The following NME1 variants were observed in gnomAD, a reference collection of about 807,000 sequenced individuals.
The protein encoded by NME1 is nucleoside diphosphate kinase A.
A neutral mutation model predicts 17.2 loss-of-function variants in NME1; 9 were observed. That is an observed-to-expected ratio of 0.52 (90% confidence interval 0.32 to 0.92). The LOEUF (loss-of-function observed/expected upper bound fraction) is 0.92, where lower values mean the gene tolerates loss of function less well. Ranked by LOEUF, NME1 falls within the 40% of genes least tolerant of loss-of-function variation. The pLI is 0.04. For missense variants in NME1, 169 were observed against 201.7 expected (o/e 0.84, Z 0.98); for synonymous variants, 72 against 70.8 (o/e 1.02, Z -0.09).
chr17:51,160,117 T>C, intron 3 of NME1, 36 bp downstream of exon 3: 1 of 1,608,164 alleles, frequency 6.2e-7, no homozygotes, highest in African/African-American at 1.3e-5. Context: ...CAAGTATGCA[T>C]TGCTTGTCAT....
chr17:51,157,239 G>A (rs2049801001), intron 2 of NME1, among the ~76,000 whole-genome samples: 1 of 152,092 alleles, frequency 6.6e-6, no homozygotes, highest in Non-Finnish European at 1.5e-5. Flanking sequence ...AAGAAAAACT[G>A]CTTTAATGTA....
chr17:51,155,207 A>T (rs1005769437), intron 1 of NME1, among the ~76,000 whole-genome samples: 24 of 145,728 alleles, frequency 1.6e-4, no homozygotes, highest in Admixed American at 1.4e-3. Flanking sequence ...GCACCACTGC[A>T]CTCCATCCTG....
At chr17:51,157,216 A>G (rs1263995374) in intron 2 of NME1, among the ~76,000 whole-genome samples, 2 of 152,128 alleles carry the variant, frequency 1.3e-5, no homozygotes, top group Non-Finnish European at 2.9e-5. Context: ...CCAAAAAAAA[A>G]GAAAAAAAAG....
intron 2 of NME1, 85 bp downstream of exon 2, chr17:51,155,865 A>G: frequency 3.1e-6 from 5 of 1,592,248 alleles, no homozygotes; most frequent in Non-Finnish European, 3.4e-6. Flanking sequence ...CGTCTTTCTT[A>G]TTTAAAGTTC....
intron 1 of NME1, chr17:51,154,212 T>C (rs1598234039): frequency 1.5e-6 from 1 of 651,336 alleles, no homozygotes; most frequent in Non-Finnish European, 2.9e-6. Flanking sequence ...TCTTTGCTCC[T>C]ATTGACTGCT....
intron 2 of NME1, among the ~76,000 whole-genome samples, chr17:51,158,186 G>A (rs1202903776): frequency 6.6e-6 from 1 of 152,150 alleles, no homozygotes; most frequent in Non-Finnish European, 1.5e-5. Flanking sequence ...AGGCTGAGGC[G>A]AGAGGATGGC....
rs1226431551 is a variant in NME1 at position 51,161,242 on chromosome 17, TC to T, written c.313del (p.Arg105ValfsTer36). ...CCTGCAGACTCCAAGCCTGGGACCA[TC>T]CGTGGAGACTTCTGCATACAAGTTG... ...TNPADSKPGT[I>X]RGDFCIQVGR... On this transcript the variant is annotated frameshift_variant, in exon 4 of 5. Transcript: ENST00000393196. LOFTEE classifies it high-confidence loss of function. 6.2e-7 allele frequency: 1 copy of T among 1,612,206 alleles called. No homozygotes were observed. The highest frequency in any genetic ancestry group is 8.5e-7 in the Non-Finnish European group (1 of 1,179,324).
intron 1 of NME1, chr17:51,154,149 G>GTC (rs201791462): frequency 2.2e-5 from 12 of 538,168 alleles, no homozygotes; most frequent in Non-Finnish European, 4.0e-5. Context: ...TTTGGGCTTT[G>GTC]TCTCTCTCTC....
intron 2 of NME1, among the ~76,000 whole-genome samples, chr17:51,159,153 C>T (rs2049828491): frequency 6.6e-6 from 1 of 152,126 alleles, no homozygotes; most frequent in Non-Finnish European, 1.5e-5. Flanking sequence ...ATTTTCCTGT[C>T]TAAAATGAGA....
chr17:51,161,619 A>C, intron 4 of NME1, 109 bp from the exon 5 acceptor site: 1 of 888,286 alleles, frequency 1.1e-6, no homozygotes, highest in Non-Finnish European at 1.9e-6. Flanking sequence ...ACATGGTCTA[A>C]TGTCCATGGA....
chr17:51,155,239 ACC>A, intron 1 of NME1, among the ~76,000 whole-genome samples: 1 of 111,874 alleles, frequency 8.9e-6, no homozygotes, highest in African/African-American at 4.5e-5. Flanking sequence ...AAGACTCCAT[ACC>A]AAAAAAAAAA....
Position 51,153,667 on chromosome 17 carries a change from G to C in NME1, c.-5+5G>C, listed in dbSNP as rs1195459526. The C allele has an allele frequency of 6.5e-6, 1 of 152,974 alleles. No homozygotes were observed. The highest frequency in any genetic ancestry group is 1.5e-5 in the Non-Finnish European group (1 of 68,574). 9.5% of individuals were successfully genotyped at this position (152,974 alleles called of 1,614,324 possible). ...CAAACCTAAGCAGCTGGAAGGGTAA[G>C]AGGTGTTCGGGATCCTGAGAGGAAA... On this transcript the variant is annotated splice_donor_5th_base_variant and intron_variant, in intron 1 of 4. Transcript: ENST00000393196.
In NME1 at chr17:51,155,800, C is replaced by A; in HGVS notation, c.126+20C>A. On this transcript the variant is annotated intron_variant, in intron 2 of 4. Transcript: ENST00000393196. The stretch of plus-strand genomic sequence containing the variant: ...ATGCAAGTAAGTGGACTTCATTGTT[C>A]CCATTTTGATTCCTTCATAGTATAG... 1 of 1,612,576 alleles carries A rather than the reference C, an allele frequency of 6.2e-7. No homozygotes were observed.
chr17:51,154,869 G>A (rs1308000956), intron 1 of NME1, among the ~76,000 whole-genome samples: 1 of 152,180 alleles, frequency 6.6e-6, no homozygotes, highest in Non-Finnish European at 1.5e-5. Flanking sequence ...GAAAGATAGT[G>A]CCTTGTTTTT....
chr17:51,161,661 T>G lies in NME1; in HGVS notation c.342-67T>G, dbSNP rs1598241544. ...GCTTTTATGCTGCTGTGGCTGTAGA[T>G]TTCTGGCAATGGGCGCATTTTAATC... On this transcript the variant is annotated intron_variant, in intron 4 of 4. Coordinates refer to ENST00000393196, the MANE Select transcript of NME1 (RefSeq NM_000269.3). The G allele has an allele frequency of 4.3e-6, 5 of 1,163,110 alleles. No individual in the cohort carries two copies. The East Asian group carries it at 1.2e-4, about 27-fold the overall frequency. 72.0% of individuals were successfully genotyped at this position (1,163,110 alleles called of 1,614,324 possible). A position where few individuals can be genotyped will look rare whatever the true frequency, so the allele number is the denominator to read the frequency against.
At chr17:51,154,177 G>T in intron 1 of NME1, 4 of 497,652 alleles carry the variant, frequency 8.0e-6, no homozygotes, top group Non-Finnish European at 1.1e-5. Flanking sequence ...TTTTTTGGAA[G>T]TTGCAGAATG....
At position 51,160,001 on chromosome 17, in the gene NME1, GA is replaced by G; in HGVS notation, c.150del (p.Glu50AspfsTer6). On this transcript the variant is annotated frameshift_variant, in exon 3 of 5. Coordinates refer to ENST00000393196, the MANE Select transcript of NME1 (RefSeq NM_000269.3). LOFTEE classifies it high-confidence loss of function. ...FMQASEDLLK[E>X]HYVDLKDRPF... ...ATAGGCTTCCGAAGATCTTCTCAAG[GA>G]ACACTACGTTGACCTGAAGGACCGT... 1 of 1,614,168 alleles carries G rather than the reference GA, an allele frequency of 6.2e-7. No homozygotes were observed. The highest frequency in any genetic ancestry group is 8.5e-7 in the Non-Finnish European group (1 of 1,180,030).
chr17:51,158,065 A>G (rs1054321773), intron 2 of NME1, among the ~76,000 whole-genome samples: 7 of 152,162 alleles, frequency 4.6e-5, no homozygotes, highest in Non-Finnish European at 8.8e-5. Flanking sequence ...GGATCATCTG[A>G]GGTCAGGAGA....
At chr17:51,154,447 A>G (rs746130277) in intron 1 of NME1, 5 of 1,613,592 alleles carry the variant, frequency 3.1e-6, no homozygotes, top group African/African-American at 2.7e-5. Flanking sequence ...GATACAGGGT[A>G]GGTCATGAGC....
Sources: allele counts gnomAD v4.1 joint callset (sites outside exome capture counted in the v4.1 genomes callset), GRCh38; gene constraint gnomAD v4.1.1; transcripts MANE v1.5; gene names NCBI Gene and HGNC (gene_info 2026-07-23, HGNC 2026-07-21).